The following CAST variants were observed in gnomAD, a reference collection of about 807,000 sequenced individuals.
CAST encodes MIR583 host.
A neutral mutation model predicts 119.6 loss-of-function variants in CAST; 76 were observed. The ratio of observed to expected loss-of-function variants is 0.64; its 90% CI spans 0.53 to 0.77. CAST has a LOEUF of 0.77. Ranked by LOEUF, CAST falls within the 30% of genes least tolerant of loss-of-function variation. The pLI is 0.00. For missense variants in CAST, 953 were observed against 946.5 expected (o/e 1.01, Z -0.09); for synonymous variants, 319 against 331.6 (o/e 0.96, Z 0.41).
intron 1 of CAST, among the ~76,000 whole-genome samples, chr5:96,629,373 A>G (rs1356333051): frequency 7.2e-5 from 11 of 151,810 alleles, no homozygotes. Context: ...TTCTTCTGTT[A>G]TAGCCACAGA....
At chr5:96,017,409 C>T in the CAST span, among the ~76,000 whole-genome samples, 1 of 152,142 alleles carries the variant, frequency 6.6e-6, no homozygotes, top group Non-Finnish European at 1.5e-5. Flanking sequence ...TTAACATTTT[C>T]TAATTTCACA....
At chr5:96,599,966 C>CAAAAAAAAAAAAAAAAAAAAAA (rs74978713) in intron 1 of CAST, among the ~76,000 whole-genome samples, 4 of 47,216 alleles carry the variant, frequency 8.5e-5, no homozygotes, top group African/African-American at 2.4e-4. Context: ...CTTCATTAGG[C>CAAAAAAAAAAAAAAAAAAAAAA]AAAAAAAAAA....
At chr5:96,368,994 T>C in the CAST span, among the ~76,000 whole-genome samples, 1 of 152,038 alleles carries the variant, frequency 6.6e-6, no homozygotes, top group Non-Finnish European at 1.5e-5. Context: ...TCTTTGTGGT[T>C]AGAATTCTGA....
At chr5:96,029,727 C>T in the CAST span, among the ~76,000 whole-genome samples, 1 of 152,120 alleles carries the variant, frequency 6.6e-6, no homozygotes, top group African/African-American at 2.4e-5. Flanking sequence ...GATTGTGGAA[C>T]TCACAGTTGG....
chr5:96,255,213 C>T, the CAST span, among the ~76,000 whole-genome samples: 1 of 152,232 alleles, frequency 6.6e-6, no homozygotes, highest in Non-Finnish European at 1.5e-5. Context: ...TGAACTTTAT[C>T]GATGCTGCTT....
the CAST span, among the ~76,000 whole-genome samples, chr5:96,346,592 T>C: frequency 6.6e-6 from 1 of 152,142 alleles, no homozygotes; most frequent in Non-Finnish European, 1.5e-5. Flanking sequence ...TACCACATAA[T>C]GACCATTGGT....
chr5:96,734,163 A>G (rs1389191586), intron 9 of CAST, among the ~76,000 whole-genome samples: 1 of 152,248 alleles, frequency 6.6e-6, no homozygotes, highest in Non-Finnish European at 1.5e-5. Context: ...TGTTCTGGGC[A>G]CAAAGTACAT....
chr5:96,299,029 C>T, the CAST span, among the ~76,000 whole-genome samples: 5 of 151,848 alleles, frequency 3.3e-5, no homozygotes, highest in Non-Finnish European at 5.9e-5. Context: ...CACCTGAGGT[C>T]AAGAGTTCAA....
At chr5:96,052,857 G>A in the CAST span, among the ~76,000 whole-genome samples, 1 of 152,148 alleles carries the variant, frequency 6.6e-6, no homozygotes, top group East Asian at 1.9e-4. Flanking sequence ...TGGGAGAATG[G>A]GAGAGGAGGA....
At chr5:96,005,126 T>C in the CAST span, among the ~76,000 whole-genome samples, 210 of 152,274 alleles carry the variant, frequency 1.4e-3, no homozygotes, top group African/African-American at 4.9e-3. Context: ...TAAGAAAAGT[T>C]TTAAAAACTC....
the CAST span, among the ~76,000 whole-genome samples, chr5:96,344,031 C>A: frequency 6.6e-6 from 1 of 152,116 alleles, no homozygotes; most frequent in Non-Finnish European, 1.5e-5. Flanking sequence ...GGATCGTAAC[C>A]CCTACTTGAA....
chr5:96,648,282 T>G (rs1477215371), intron 1 of CAST, among the ~76,000 whole-genome samples: 2 of 152,206 alleles, frequency 1.3e-5, no homozygotes, highest in Non-Finnish European at 2.9e-5. Context: ...ACTTCCTTAT[T>G]GGTCTTTCTA....
chr5:96,410,927 T>A, the CAST span: 1 of 1,613,902 alleles, frequency 6.2e-7, no homozygotes, highest in Non-Finnish European at 8.5e-7. Flanking sequence ...CACAATTATC[T>A]CCCTGACGCC....
chr5:96,219,519 A>AT, the CAST span, among the ~76,000 whole-genome samples: 6 of 152,212 alleles, frequency 3.9e-5, no homozygotes, highest in Non-Finnish European at 7.3e-5. Flanking sequence ...CAAAGTTGCC[A>AT]GCCTGGCCAG....
the CAST span, among the ~76,000 whole-genome samples, chr5:96,176,453 C>T: frequency 6.6e-6 from 1 of 152,160 alleles, no homozygotes; most frequent in African/African-American, 2.4e-5. Flanking sequence ...ACAGAAGTCC[C>T]CACCTTCATT....
chr5:96,706,896 C>T (rs1755085220), intron 3 of CAST, among the ~76,000 whole-genome samples: 2 of 152,130 alleles, frequency 1.3e-5, no homozygotes, highest in Admixed American at 1.3e-4. Flanking sequence ...TCATTTTGTC[C>T]TGGGGCTCTA....
intron 1 of CAST, among the ~76,000 whole-genome samples, chr5:96,636,871 T>G (rs1339606539): frequency 6.7e-6 from 1 of 149,798 alleles, no homozygotes; most frequent in Non-Finnish European, 1.5e-5. Flanking sequence ...AGTAGCCACA[T>G]CTAACATCAC....
chr5:96,727,026 A>G (rs1759379142), intron 5 of CAST, among the ~76,000 whole-genome samples, 167 bp downstream of exon 5: 2 of 152,164 alleles, frequency 1.3e-5, no homozygotes, highest in Admixed American at 6.5e-5. Context: ...ACTAAAAGTA[A>G]TTTTCACTGC....
At chr5:96,343,826 C>A in the CAST span, among the ~76,000 whole-genome samples, 3 of 152,148 alleles carry the variant, frequency 2.0e-5, no homozygotes, top group Non-Finnish European at 2.9e-5. Flanking sequence ...AAATTGTATA[C>A]CTCTTCCTGC....
Sources: allele counts gnomAD v4.1 joint callset (sites outside exome capture counted in the v4.1 genomes callset), GRCh38; gene constraint gnomAD v4.1.1; transcripts MANE v1.5; gene names NCBI Gene and HGNC (gene_info 2026-07-23, HGNC 2026-07-21).